Variants in ITGA6 observed in about 807,000 individuals in gnomAD.
ITGA6 encodes integrin subunit alpha 6.
ITGA6 carries 63 observed loss-of-function variants against 133.6 expected under a neutral mutation model. That is an observed-to-expected ratio of 0.47 (90% CI 0.38 to 0.58). The LOEUF (loss-of-function observed/expected upper bound fraction) is 0.58. ITGA6 is among the 20% of genes least tolerant of loss of function. The pLI is 0.00. For synonymous variants in ITGA6, 434 were observed against 482.0 expected (o/e 0.90, Z 1.30); for missense variants, 1,068 against 1,309.4 (o/e 0.82, Z 2.85).
chr2:172,471,741 T>C (rs1685947570), intron 5 of ITGA6, among the ~76,000 whole-genome samples: 1 of 152,148 alleles, frequency 6.6e-6, no homozygotes, highest in South Asian at 2.1e-4. Flanking sequence ...TTTGCATGAC[T>C]AATGGGTGTC....
In ITGA6 at chr2:172,454,677, G is replaced by A. The variant is rs1685143309; in HGVS notation, c.183-10862G>A. On this transcript the variant is annotated intron_variant, in intron 1 of 25. Transcript: ENST00000684293. ...GCCTATGTCCTGACCCTCCAGACCT[G>A]CTGCTACATTAGGTTAAATGGCAAA... Among the ~76,000 whole-genome samples, 5 of 152,170 alleles carry A rather than the reference G, an allele frequency of 3.3e-5. No individual in the cohort carries two copies. The South Asian group carries it at 6.2e-4, about 19-fold the overall frequency.
intron 13 of ITGA6, among the ~76,000 whole-genome samples, chr2:172,486,816 T>C (rs1347187456): frequency 2.0e-5 from 3 of 152,204 alleles, no homozygotes; most frequent in Non-Finnish European, 4.4e-5. Flanking sequence ...ACTGCCTCCA[T>C]GCCCTGGTCA....
Position 172,484,881 on chromosome 2 carries a change from A to G in ITGA6, c.1649A>G (p.Gln550Arg). 2 of 1,614,164 alleles carry G rather than the reference A, an allele frequency of 1.2e-6. No homozygotes were observed. Among genetic ancestry groups the G allele is most frequent in the Non-Finnish European group, 1.7e-6 (2 of 1,179,984 alleles). The change falls in exon 12 of 26, where the codon CAA (glutamine) becomes CGA (arginine). Residue 550 changes from glutamine to arginine, a missense_variant. Physicochemically the swap from Gln to Arg is conservative, Grantham distance 43 (BLOSUM62 1). Transcript: ENST00000684293. ...RNQGSEPKYT[Q>R]ELTLKRQKQK... ...CAAGGTTCTGAGCCCAAATATACTC[A>G]AGAACTAACTCTGAAGAGGCAGAAA...
intron 5 of ITGA6, chr2:172,472,951 TTG>T: frequency 3.8e-6 from 4 of 1,052,532 alleles, no homozygotes; most frequent in East Asian, 2.4e-5. Context: ...ATTTTTTTTT[TTG>T]ATCCATACAG....
At chr2:172,461,176 A>G (rs1404423684) in intron 1 of ITGA6, among the ~76,000 whole-genome samples, 1 of 152,198 alleles carries the variant, frequency 6.6e-6, no homozygotes, top group Non-Finnish European at 1.5e-5. Flanking sequence ...TTTATATCAT[A>G]TTCCCAGTTA....
intron 1 of ITGA6, among the ~76,000 whole-genome samples, chr2:172,431,491 A>G (rs1311848941): frequency 6.6e-6 from 1 of 152,206 alleles, no homozygotes; most frequent in East Asian, 1.9e-4. Context: ...TATTGACTCT[A>G]TTCCAGCTGG....
At chr2:172,448,269 AT>A (rs1188462302) in intron 1 of ITGA6, among the ~76,000 whole-genome samples, 2 of 151,416 alleles carry the variant, frequency 1.3e-5, no homozygotes, top group African/African-American at 4.9e-5. Context: ...CTTGTAATAG[AT>A]TTTTTTTAAT....
At chr2:172,490,789 T>G in intron 20 of ITGA6, 1 of 452,086 alleles carries the variant, frequency 2.2e-6, no homozygotes. Context: ...TTCTCTGAGT[T>G]TTAAGGTCAG....
chr2:172,493,210 A>G (rs1255622535), intron 23 of ITGA6, among the ~76,000 whole-genome samples: 1 of 152,152 alleles, frequency 6.6e-6, no homozygotes, highest in Non-Finnish European at 1.5e-5. Flanking sequence ...ACCCAGCCCC[A>G]GGATACATTT....
chr2:172,493,208 C>T (rs1217567182), intron 23 of ITGA6, among the ~76,000 whole-genome samples: 3 of 152,102 alleles, frequency 2.0e-5, no homozygotes, highest in East Asian at 3.9e-4. Flanking sequence ...GCACCCAGCC[C>T]CAGGATACAT....
chr2:172,498,131 A>G (rs760193065), intron 24 of ITGA6, 31 bp downstream of exon 24: 13 of 1,601,086 alleles, frequency 8.1e-6, no homozygotes, highest in South Asian at 1.1e-5. Flanking sequence ...GAATTTCATA[A>G]CAAACTTTAT....
intron 9 of ITGA6, among the ~76,000 whole-genome samples, chr2:172,477,109 T>G (rs1053756525): frequency 2.4e-4 from 37 of 152,142 alleles, no homozygotes; most frequent in African/African-American, 8.9e-4. Context: ...CGCAATTTTT[T>G]TTTTTGCTCC....
At chr2:172,490,953 C>T in intron 20 of ITGA6, 71 bp from the exon 21 acceptor site, 4 of 847,548 alleles carry the variant, frequency 4.7e-6, no homozygotes, top group Admixed American at 3.4e-5. Flanking sequence ...GGAGGATATG[C>T]TCAAGAGGCT....
intron 23 of ITGA6, among the ~76,000 whole-genome samples, chr2:172,495,695 G>T (rs1687099770): frequency 6.6e-6 from 1 of 152,226 alleles, no homozygotes; most frequent in Non-Finnish European, 1.5e-5. Context: ...TTGATGCCCA[G>T]TGAGTTAACA....
intron 1 of ITGA6, among the ~76,000 whole-genome samples, chr2:172,464,854 A>G (rs1293637331): frequency 6.6e-6 from 1 of 152,218 alleles, no homozygotes; most frequent in African/African-American, 2.4e-5. Flanking sequence ...GCAAGGAAGT[A>G]AGAACTGACT....
intron 19 of ITGA6, among the ~76,000 whole-genome samples, chr2:172,488,606 G>C (rs1332893298): frequency 6.6e-6 from 1 of 152,174 alleles, no homozygotes; most frequent in Non-Finnish European, 1.5e-5. Flanking sequence ...GCAGTGACTG[G>C]CTCTGAACCA....
intron 1 of ITGA6, among the ~76,000 whole-genome samples, chr2:172,431,195 T>A (rs1332397781): frequency 1.3e-5 from 2 of 152,222 alleles, no homozygotes; most frequent in Non-Finnish European, 2.9e-5. Flanking sequence ...CTTAAAATCA[T>A]ATTTTCTGAA....
At chr2:172,471,249 C>G (rs999391414) in intron 5 of ITGA6, 144 bp downstream of exon 5, 6 of 891,486 alleles carry the variant, frequency 6.7e-6, no homozygotes, top group South Asian at 1.5e-5. Context: ...ATTTGATAAG[C>G]TTGGTGATCT....
At chr2:172,444,827 C>T (rs926973122) in intron 1 of ITGA6, among the ~76,000 whole-genome samples, 1 of 151,750 alleles carries the variant, frequency 6.6e-6, no homozygotes, top group African/African-American at 2.4e-5. Context: ...TTGTAGCTCC[C>T]GTGCTATGGC....
Sources: allele counts gnomAD v4.1 joint callset (sites outside exome capture counted in the v4.1 genomes callset), GRCh38; gene constraint gnomAD v4.1.1; transcripts MANE v1.5; gene names NCBI Gene and HGNC (gene_info 2026-07-23, HGNC 2026-07-21).